The following DMD variants were observed in gnomAD, a reference collection of about 807,000 sequenced individuals.
DMD encodes dystrophin, also known as mutant dystrophin.
In DMD, 63 loss-of-function variants were observed where a neutral mutation model predicts 330.1. The observed-to-expected ratio is 0.19, with a 90% CI of 0.16 to 0.24. The LOEUF (loss-of-function observed/expected upper bound fraction) is 0.24. Ranked by LOEUF, DMD falls within the 10% of genes least tolerant of loss-of-function variation. DMD has a pLI of 1.00. For missense variants in DMD, 3,344 were observed against 2,684.1 expected (o/e 1.25, Z -5.43); for synonymous variants, 1,223 against 959.8 (o/e 1.27, Z -5.07).
chrX:32,361,593 A>C (rs147284664), intron 37 of DMD, among the ~76,000 whole-genome samples: 1,185 of 111,811 alleles, frequency 0.011, 58 homozygotes, highest in Admixed American at 0.098. Context: ...AAGCTAAACT[A>C]TTTAGAATTT....
chrX:32,286,742 G>T (rs1419984446), intron 43 of DMD, among the ~76,000 whole-genome samples: 1 of 111,645 alleles, frequency 9.0e-6, no homozygotes, highest in East Asian at 2.8e-4. Context: ...TAGGAGTAAA[G>T]ATGGTTAGAA....
intron 53 of DMD, among the ~76,000 whole-genome samples, chrX:31,672,777 ACAAGCACATGGGCTTCTAGATCCCG>A (rs2081877082): frequency 8.9e-6 from 1 of 111,996 alleles, no homozygotes; most frequent in African/African-American, 3.2e-5. Context: ...ATTTGTTAAG[ACAAGCACATGGGCTTCTAGATCCCG>A]CAAGAACATG....
At chrX:32,623,761 C>A (rs938682737) in intron 11 of DMD, among the ~76,000 whole-genome samples, 1 of 110,542 alleles carries the variant, frequency 9.0e-6, no homozygotes, top group African/African-American at 3.3e-5. Context: ...TCCTGGTCTC[C>A]AGCTATCCTC....
In DMD at chrX:32,533,884, G is replaced by C. The variant is rs149498734; in HGVS notation, c.2168+11275C>G. Among the ~76,000 whole-genome samples, 370 of 111,459 alleles carry C rather than the reference G, an allele frequency of 3.3e-3. 4 individuals carry two copies. The highest frequency in any genetic ancestry group is 0.011 in the African/African-American group (339 of 30,584). ...GAGTTTAAGAGAAGTCAACATGCTTGTGGGTCTTTCAAGTTTAAATAACTT... is the reference window on the plus strand; with the variant it reads ...GAGTTTAAGAGAAGTCAACATGCTTCTGGGTCTTTCAAGTTTAAATAACTT... On this transcript the variant is annotated intron_variant, in intron 17 of 78. Coordinates refer to ENST00000357033, the MANE Select transcript of DMD (RefSeq NM_004006.3).
intron 2 of DMD, among the ~76,000 whole-genome samples, chrX:32,870,746 C>T (rs77612911): frequency 9.1e-6 from 1 of 110,127 alleles, no homozygotes; most frequent in African/African-American, 3.3e-5. Flanking sequence ...AACTGGACAC[C>T]TTCCTTACAC....
At chrX:31,794,271 T>C (rs758150336) in intron 50 of DMD, among the ~76,000 whole-genome samples, 85 of 111,367 alleles carry the variant, frequency 7.6e-4, no homozygotes, top group African/African-American at 2.7e-3. Context: ...CCAATAGTAA[T>C]ATACTATTAT....
chrX:31,691,414 T>C (rs1014451298), intron 52 of DMD, among the ~76,000 whole-genome samples: 2 of 111,319 alleles, frequency 1.8e-5, no homozygotes, highest in African/African-American at 6.5e-5. Context: ...AAAATGACAC[T>C]AGTAAGTCCT....
At chrX:32,285,933 C>T (rs1049971994) in intron 43 of DMD, among the ~76,000 whole-genome samples, 9 of 111,037 alleles carry the variant, frequency 8.1e-5, no homozygotes, top group African/African-American at 3.0e-4. Context: ...CTCCTGACCT[C>T]AAATGATGTG....
chrX:32,350,131 C>G (rs1269600799), intron 37 of DMD, among the ~76,000 whole-genome samples: 1 of 111,183 alleles, frequency 9.0e-6, no homozygotes, highest in Non-Finnish European at 1.9e-5. Flanking sequence ...TTATTGTGTA[C>G]TTGGATGTCA....
At chrX:32,205,015 A>T (rs1317598828) in intron 44 of DMD, among the ~76,000 whole-genome samples, 43 of 63,845 alleles carry the variant, frequency 6.7e-4, no homozygotes, top group Non-Finnish European at 1.1e-3. Flanking sequence ...TCACATACAC[A>T]CACACACACA....
At chrX:32,656,708 A>G (rs1037164980) in intron 9 of DMD, among the ~76,000 whole-genome samples, 13 of 112,007 alleles carry the variant, frequency 1.2e-4, no homozygotes, top group Non-Finnish European at 1.7e-4. Flanking sequence ...TAGATATTAC[A>G]CTAACCCTTG....
chrX:33,107,767 G>A (rs1195305854), intron 1 of DMD, among the ~76,000 whole-genome samples: 1 of 111,225 alleles, frequency 9.0e-6, no homozygotes, highest in Non-Finnish European at 1.9e-5. Flanking sequence ...CATTCATTCA[G>A]CAAAAAAATA....
intron 11 of DMD, among the ~76,000 whole-genome samples, chrX:32,619,556 C>T (rs2057836786): frequency 8.9e-6 from 1 of 111,751 alleles, no homozygotes; most frequent in Non-Finnish European, 1.9e-5. Flanking sequence ...TCACGTTGTA[C>T]ATGATGAATA....
intron 55 of DMD, among the ~76,000 whole-genome samples, chrX:31,549,608 T>A (rs1053805724): frequency 8.9e-6 from 1 of 112,319 alleles, no homozygotes. Flanking sequence ...TTATGCTTGA[T>A]ATACTTTATG....
chrX:32,386,001 C>T (rs1221508931), intron 33 of DMD, among the ~76,000 whole-genome samples: 1 of 109,916 alleles, frequency 9.1e-6, no homozygotes, highest in East Asian at 2.9e-4. Flanking sequence ...TTAGAGCTAT[C>T]TGATGGACCA....
intron 44 of DMD, among the ~76,000 whole-genome samples, chrX:32,124,507 C>T (rs2096652369): frequency 9.0e-6 from 1 of 111,726 alleles, no homozygotes; most frequent in South Asian, 3.7e-4. Flanking sequence ...CTAATAGACC[C>T]CAAAGGGGAG....
intron 1 of DMD, among the ~76,000 whole-genome samples, chrX:33,231,420 T>A (rs2052385958): frequency 2.7e-5 from 3 of 112,294 alleles, no homozygotes; most frequent in Non-Finnish European, 5.6e-5. Context: ...ATTGTTTATA[T>A]ATACACAAAC....
chrX:32,189,752 A>G (rs1309022076), intron 44 of DMD, among the ~76,000 whole-genome samples: 1 of 110,973 alleles, frequency 9.0e-6, no homozygotes, highest in East Asian at 2.8e-4. Flanking sequence ...TCACCTGCCA[A>G]AGGTCACGTG....
At chrX:33,057,351 GT>G (rs2094530149) in intron 1 of DMD, among the ~76,000 whole-genome samples, 1 of 111,933 alleles carries the variant, frequency 8.9e-6, no homozygotes, top group African/African-American at 3.2e-5. Flanking sequence ...ATCCGATACT[GT>G]TTAAAAGACT....
Sources: gnomAD v4.1 joint callset for allele counts (sites outside exome capture counted in the v4.1 genomes callset) on GRCh38, gnomAD v4.1.1 for gene constraint, MANE v1.5 for transcripts, NCBI Gene and HGNC (gene_info 2026-07-23, HGNC 2026-07-21) for gene names.